The following SUCO variants were observed in gnomAD, a reference collection of about 807,000 sequenced individuals.
SUCO encodes SUN domain containing ossification factor, also known as SUN domain-containing ossification factor.
Under a neutral mutation model 148.1 loss-of-function variants are expected in SUCO, and 57 were observed. The ratio of observed to expected loss-of-function variants is 0.38; its 90% CI spans 0.31 to 0.48. SUCO has a LOEUF of 0.48. SUCO is among the 20% of genes least tolerant of loss of function. The pLI is 0.96. For missense variants in SUCO, 1,331 were observed against 1,468.2 expected (o/e 0.91, Z 1.53); for synonymous variants, 470 against 502.7 (o/e 0.93, Z 0.87).
chr1:172,588,731 AT>A (rs1656406403), intron 17 of SUCO, 28 bp from the exon 18 acceptor site: 2 of 1,342,364 alleles, frequency 1.5e-6, no homozygotes, highest in Admixed American at 3.0e-5. Flanking sequence ...TAAGTAAGTG[AT>A]TTATAATTAT....
rs369353070 is a variant in SUCO, at chr1:172,533,506, C to T, written c.62+9C>T. On this transcript the variant is annotated intron_variant, in intron 1 of 23. Coordinates refer to ENST00000263688, the MANE Select transcript of SUCO (RefSeq NM_014283.5). ...CTGTGCTCTCTGGTCTGGTGAGTAG[C>T]CGCGACGACAAGGGAGTTCCCGTGA... The T allele has an allele frequency of 3.2e-6, 5 of 1,540,754 alleles. No homozygotes were observed. Among genetic ancestry groups the T allele is most frequent in the Non-Finnish European group, 4.4e-6 (5 of 1,138,746 alleles).
intron 13 of SUCO, 121 bp downstream of exon 13, chr1:172,577,940 C>T (rs1655574195): frequency 1.5e-6 from 1 of 674,226 alleles, no homozygotes; most frequent in Non-Finnish European, 2.4e-6. Flanking sequence ...GAAATAAAAA[C>T]TGTGAAACCT....
chr1:172,595,974 T>C (rs1657067389), intron 19 of SUCO, among the ~76,000 whole-genome samples: 1 of 152,196 alleles, frequency 6.6e-6, no homozygotes, highest in African/African-American at 2.4e-5. Context: ...CCTTGTTCAT[T>C]TGTTTTTACT....
intron 23 of SUCO, chr1:172,609,443 T>C (rs1038617050): frequency 5.4e-5 from 49 of 915,760 alleles, no homozygotes; most frequent in Non-Finnish European, 5.5e-5. Context: ...CATCTGAACC[T>C]TGCTTTTCTC....
chr1:172,580,446 A>G (rs1048606662), intron 15 of SUCO, among the ~76,000 whole-genome samples: 1 of 152,216 alleles, frequency 6.6e-6, no homozygotes, highest in Admixed American at 6.5e-5. Flanking sequence ...TATTGATATA[A>G]AAATAAGTCT....
At chr1:172,533,597 G>T in intron 1 of SUCO, 100 bp downstream of exon 1, 1 of 1,406,440 alleles carries the variant, frequency 7.1e-7, no homozygotes. Flanking sequence ...TAGGGTCCGG[G>T]TTTCCAAGGC....
intron 4 of SUCO, 60 bp from the exon 5 acceptor site, chr1:172,557,220 A>T: frequency 6.4e-7 from 1 of 1,553,086 alleles, no homozygotes. Context: ...TAGTGTTTTT[A>T]ATGTATATTA....
chr1:172,554,715 G>A (rs1653596301), intron 3 of SUCO, among the ~76,000 whole-genome samples: 1 of 148,056 alleles, frequency 6.8e-6, no homozygotes, highest in South Asian at 2.1e-4. Context: ...CCAGCCTGGG[G>A]CAACAGAGTG....
Position 172,598,059 on chromosome 1 carries a change from G to T in SUCO, c.2914-2005G>T, listed in dbSNP as rs144210251. Among the ~76,000 whole-genome samples, 472 of 152,202 alleles carry T rather than the reference G, an allele frequency of 3.1e-3. 4 individuals are homozygous for T. Among genetic ancestry groups the T allele is most frequent in the African/African-American group, 0.011 (456 of 41,550 alleles). On this transcript the variant is annotated intron_variant, in intron 19 of 23. Transcript: ENST00000263688. ...CTTTGTTTTTTCTAGAAGCTTAATA[G>T]TTTAGTTTTATATTAGGCCCATGAT... is the stretch of plus-strand genomic sequence containing the variant.
At chr1:172,581,554 A>G (rs868547388) in intron 15 of SUCO, among the ~76,000 whole-genome samples, 6 of 152,262 alleles carry the variant, frequency 3.9e-5, no homozygotes, top group Middle Eastern at 3.4e-3. Context: ...TATAGCCTCC[A>G]AGGTGGTATA....
chr1:172,591,531 T>C (rs1206946798), intron 19 of SUCO, among the ~76,000 whole-genome samples: 1 of 150,402 alleles, frequency 6.6e-6, no homozygotes, highest in African/African-American at 2.4e-5. Flanking sequence ...TGTGCAGTGT[T>C]TGGTTTTCTG....
chr1:172,597,206 A>G (rs1657171641), intron 19 of SUCO, among the ~76,000 whole-genome samples: 1 of 152,224 alleles, frequency 6.6e-6, no homozygotes, highest in African/African-American at 2.4e-5. Context: ...CTTGGCTAGG[A>G]AAGGGAATTC....
chr1:172,583,806 C>T (rs1019813145), intron 15 of SUCO, among the ~76,000 whole-genome samples: 1 of 152,114 alleles, frequency 6.6e-6, no homozygotes, highest in Admixed American at 6.5e-5. Context: ...GTTAATTTCA[C>T]TTGAAATTAC....
intron 14 of SUCO, among the ~76,000 whole-genome samples, chr1:172,578,957 C>T (rs541862937): frequency 2.6e-5 from 4 of 152,080 alleles, no homozygotes; most frequent in African/African-American, 7.2e-5. Flanking sequence ...TGAATAAAAA[C>T]GTCTTATAAA....
chr1:172,562,419 C>T (rs1195533144), intron 6 of SUCO, among the ~76,000 whole-genome samples: 2 of 151,064 alleles, frequency 1.3e-5, no homozygotes, highest in African/African-American at 2.4e-5. Context: ...CTGCAACCTC[C>T]GCCTCCCGGG....
At chr1:172,577,942 G>C (rs1655575078) in intron 13 of SUCO, 123 bp downstream of exon 13, 1 of 669,542 alleles carries the variant, frequency 1.5e-6, no homozygotes, top group Admixed American at 3.4e-5. Flanking sequence ...AATAAAAACT[G>C]TGAAACCTTT....
In SUCO at chr1:172,603,881, G is replaced by GTACATTATATAGGTACATA. The variant is rs372735063; in HGVS notation, c.3265+1096_3265+1097insCATTATATAGGTACATATA. The stretch of plus-strand genomic sequence containing the variant: ...TTCCTTATAGTATTCCATTATATAG[G>GTACATTATATAGGTACATA]TATACTGTACATTATTCATTTACAT... On this transcript the variant is annotated intron_variant, in intron 22 of 23. Coordinates refer to ENST00000263688, the MANE Select transcript of SUCO (RefSeq NM_014283.5). Among the ~76,000 whole-genome samples, 141 of 151,928 alleles carry GTACATTATATAGGTACATA rather than the reference G, an allele frequency of 9.3e-4. 1 individual carries two copies. Among genetic ancestry groups the GTACATTATATAGGTACATA allele is most frequent in the African/African-American group, 3.3e-3 (135 of 41,514 alleles).
intron 1 of SUCO, among the ~76,000 whole-genome samples, chr1:172,540,147 A>G (rs1237135385): frequency 6.6e-6 from 1 of 152,348 alleles, no homozygotes; most frequent in East Asian, 1.9e-4. Context: ...TAAGTTCTTA[A>G]CAGCTTGCCC....
At chr1:172,556,824 C>A in intron 4 of SUCO, 1 of 811,032 alleles carries the variant, frequency 1.2e-6, no homozygotes, top group Non-Finnish European at 1.5e-6. Flanking sequence ...GAATGCTATA[C>A]TCCCATTATA....
Sources: gnomAD v4.1 joint callset for allele counts (sites outside exome capture counted in the v4.1 genomes callset) on GRCh38, gnomAD v4.1.1 for gene constraint, MANE v1.5 for transcripts, NCBI Gene and HGNC (gene_info 2026-07-23, HGNC 2026-07-21) for gene names.